STOX2: variants seen among roughly 807,000 people sequenced by gnomAD.
The protein encoded by STOX2 is storkhead-box protein 2.
STOX2 carries 28 observed loss-of-function variants against 60.9 expected under a neutral mutation model. That is an observed-to-expected ratio of 0.46 (90% confidence interval 0.34 to 0.63). The LOEUF (loss-of-function observed/expected upper bound fraction) is 0.63, where lower values mean the gene tolerates loss of function less well. STOX2 is among the 30% of genes least tolerant of loss of function. The probability of loss-of-function intolerance (pLI) is 0.01; values close to 1 mark genes in which losing one functional copy is unlikely to be tolerated. For synonymous variants in STOX2, 472 were observed against 463.9 expected, an observed-to-expected ratio of 1.02 and a Z score of -0.22; for missense variants, 1,024 against 1,187.7, an observed-to-expected ratio of 0.86 and a Z score of 2.03.
At chr4:183,902,437 A>G (rs1248950133), upstream of STOX2, among the ~76,000 whole-genome samples, 1 of 152,244 alleles carries the variant, frequency 6.6e-6, no homozygotes. Context: ...TACTAATGCT[A>G]TAAAATCGAT....
chr4:184,006,314 C>T (rs560229828), intron 2 of STOX2, among the ~76,000 whole-genome samples: 10 of 152,194 alleles, frequency 6.6e-5, no homozygotes, highest in African/African-American at 1.2e-4. Flanking sequence ...AAGATGTGGT[C>T]GGCTTTAAAC....
chr4:183,798,603 G>C, intron 1 of STOX2: 1 of 985,124 alleles, frequency 1.0e-6, no homozygotes, highest in Non-Finnish European at 1.2e-6. Context: ...TTCTCAACGA[G>C]GCAAGGCTGC....
intron 1 of STOX2, chr4:183,987,677 T>C (rs1481229549): frequency 6.6e-6 from 1 of 152,252 alleles, no homozygotes; most frequent in Non-Finnish European, 1.5e-5. Flanking sequence ...CCGCACTGGC[T>C]GGTGCTGGGT....
At chr4:183,936,338 C>G (rs6552723) in intron 1 of STOX2, among the ~76,000 whole-genome samples, 151,482 of 152,258 alleles carry the variant, frequency 0.99, 75,364 homozygotes, top group Middle Eastern at 1. Flanking sequence ...GCTTCAGCAC[C>G]GCTTTTCTTT....
At chr4:183,964,531 T>C (rs1743504523) in intron 1 of STOX2, among the ~76,000 whole-genome samples, 1 of 152,220 alleles carries the variant, frequency 6.6e-6, no homozygotes. Context: ...TTTGTCTTCC[T>C]TTTGTCCCCA....
At chr4:183,823,544 C>T (rs1034060962) in intron 1 of STOX2, among the ~76,000 whole-genome samples, 3 of 152,250 alleles carry the variant, frequency 2.0e-5, no homozygotes, top group South Asian at 2.1e-4. Context: ...TCCTTAGGCT[C>T]ATAGACCTGG....
At chr4:183,884,392 G>T (rs1307628060) in intron 1 of STOX2, among the ~76,000 whole-genome samples, 1 of 151,866 alleles carries the variant, frequency 6.6e-6, no homozygotes, top group East Asian at 1.9e-4. Flanking sequence ...TATTTTATTG[G>T]TTTGGGAGGC....
At chr4:183,842,487 G>A (rs980713781) in intron 1 of STOX2, among the ~76,000 whole-genome samples, 4 of 151,948 alleles carry the variant, frequency 2.6e-5, no homozygotes, top group Non-Finnish European at 5.9e-5. Flanking sequence ...TTTTGATTTC[G>A]CTAACCCCAG....
rs1560857844 is a variant in STOX2 at position 183,874,971 on chromosome 4, ATATATATATATATATATAT to A, written c.364+76917_364+76935del. Among the ~76,000 whole-genome samples the A allele has an allele frequency of 6.9e-4, 73 of 106,552 alleles. 1 individual carries two copies. Among genetic ancestry groups the A allele is most frequent in the African/African-American group, 2.6e-3 (73 of 27,698 alleles). The allele number at this position is 106,552 out of a possible 152,430, so 69.9% of individuals were successfully genotyped here. On this transcript the variant is annotated intron_variant, in intron 1 of 2. Transcript: ENST00000513034. ...AAAAAAAATATATATATATATATAT[ATATATATATATATATATAT>A]ATAAAACTTAGAATTTTGCAGTGTG...
chr4:183,887,288 C>T (rs1308847632), intron 1 of STOX2, among the ~76,000 whole-genome samples: 1 of 151,976 alleles, frequency 6.6e-6, no homozygotes, highest in Non-Finnish European at 1.5e-5. Flanking sequence ...AAGTTATGTA[C>T]TTCTTCCCTG....
chr4:183,922,856 C>G (rs548783198), intron 1 of STOX2, among the ~76,000 whole-genome samples: 1 of 152,274 alleles, frequency 6.6e-6, no homozygotes, highest in South Asian at 2.1e-4. Context: ...ATTGATTACC[C>G]CACCTCATCT....
At chr4:183,820,332 C>G (rs1474537012) in intron 1 of STOX2, among the ~76,000 whole-genome samples, 1 of 152,118 alleles carries the variant, frequency 6.6e-6, no homozygotes, top group East Asian at 1.9e-4. Flanking sequence ...CTATTAGGGT[C>G]TTATCTTGTG....
At position 184,017,318 on chromosome 4, in the gene STOX2, G is replaced by A. The variant is rs747168103; in HGVS notation, c.*34G>A. ...CTGCCTCAGATCTTCTGTCTCATTC[G>A]ATACAGCAAAGTTTACGACACTGGG... On this transcript the variant is annotated 3_prime_UTR_variant, in exon 4 of 4. Coordinates refer to ENST00000308497, the MANE Select transcript of STOX2 (RefSeq NM_020225.3). 18 of 1,534,512 alleles carry A rather than the reference G, an allele frequency of 1.2e-5. No individual in the cohort carries two copies. Among genetic ancestry groups the A allele is most frequent in the East Asian group, 2.4e-5 (1 of 41,746 alleles).
At chr4:183,802,108 C>CT (rs1441962013) in intron 1 of STOX2, among the ~76,000 whole-genome samples, 6 of 152,312 alleles carry the variant, frequency 3.9e-5, no homozygotes, top group African/African-American at 1.4e-4. Flanking sequence ...GCGTGCTCCC[C>CT]CTCCAGACCT....
chr4:183,972,300 A>G lies in STOX2; in HGVS notation c.167-29025A>G, dbSNP rs376268310. ...CACATTGAAATGCAGTTGTGCTAGA[A>G]GTATGTGGCTGAGCAAGGCAACTAA... is the stretch of plus-strand genomic sequence containing the variant. On this transcript the variant is annotated intron_variant, in intron 1 of 3. Transcript: ENST00000308497. Among the ~76,000 whole-genome samples, 11 of 152,290 alleles carry G rather than the reference A, an allele frequency of 7.2e-5. No individual in the cohort carries two copies. The East Asian group carries it at 1.7e-3, about 24-fold the overall frequency.
intron 1 of STOX2, among the ~76,000 whole-genome samples, chr4:183,830,152 C>T (rs1219705730): frequency 1.3e-5 from 2 of 151,732 alleles, no homozygotes; most frequent in Non-Finnish European, 2.9e-5. Flanking sequence ...CTGAGCAGAA[C>T]TAATTTCACA....
chr4:183,817,099 A>G (rs1288461829), intron 1 of STOX2, among the ~76,000 whole-genome samples: 1 of 152,234 alleles, frequency 6.6e-6, no homozygotes, highest in Non-Finnish European at 1.5e-5. Context: ...GAAAAGGACT[A>G]CTGTTTTCTG....
At chr4:183,898,562 C>G (rs150067739) in intron 1 of STOX2, among the ~76,000 whole-genome samples, 5 of 151,944 alleles carry the variant, frequency 3.3e-5, no homozygotes, top group African/African-American at 1.2e-4. Context: ...CTTGCAAGCG[C>G]TGAAATAAAG....
chr4:183,940,623 G>C (rs6552724), intron 1 of STOX2, among the ~76,000 whole-genome samples: 1 of 152,152 alleles, frequency 6.6e-6, no homozygotes, highest in Admixed American at 6.5e-5. Flanking sequence ...TTTGAAACTC[G>C]AAGATAAGCC....
Sources: gnomAD v4.1 joint callset for allele counts (sites outside exome capture counted in the v4.1 genomes callset) on GRCh38, gnomAD v4.1.1 for gene constraint, MANE v1.5 for transcripts, NCBI Gene and HGNC (gene_info 2026-07-23, HGNC 2026-07-21) for gene names.